CA8: variants seen among roughly 807,000 people sequenced by gnomAD.
CA8 encodes the protein carbonic anhydrase-related protein.
A neutral mutation model predicts 41.4 loss-of-function variants in CA8; 22 were observed. The ratio of observed to expected loss-of-function variants is 0.53; its 90% CI spans 0.38 to 0.76. The LOEUF is 0.76. CA8 is among the 30% of genes least tolerant of loss of function. The pLI is 0.00. For synonymous variants in CA8, 121 were observed against 130.6 expected (o/e 0.93, Z 0.50); for missense variants, 270 against 352.8 (o/e 0.77, Z 1.88).
rs1014882521 is a variant in CA8 at position 60,187,469 on chromosome 8, A to C, written c.*2552T>G. The C allele has an allele frequency of 5.9e-5, 9 of 152,110 alleles. No individual in the cohort carries two copies. Among genetic ancestry groups the C allele is most frequent in the African/African-American group, 2.2e-4 (9 of 41,446 alleles). The allele number at this position is 152,110 out of a possible 1,614,324, so 9.4% of individuals were successfully genotyped here. ...CAGAAGTTAGTCTGCTTTCTTACTAATCTTACTATTTTGTAAGATTTGAGC... is the reference window on the plus strand; with the variant it reads ...CAGAAGTTAGTCTGCTTTCTTACTACTCTTACTATTTTGTAAGATTTGAGC... On this transcript the variant is annotated 3_prime_UTR_variant, in exon 9 of 9. Coordinates refer to ENST00000317995, the MANE Select transcript of CA8 (RefSeq NM_004056.6).
chr8:60,248,081 T>C (rs1808312346), intron 3 of CA8, among the ~76,000 whole-genome samples: 2 of 151,564 alleles, frequency 1.3e-5, no homozygotes, highest in Non-Finnish European at 2.9e-5. Context: ...TCATATACTT[T>C]GCCCAGTTTT....
At chr8:60,265,893 A>G in intron 3 of CA8, 32 bp downstream of exon 3, 2 of 1,611,610 alleles carry the variant, frequency 1.2e-6, no homozygotes, top group Non-Finnish European at 1.7e-6. Context: ...TTCAGAAAAC[A>G]AGATTTTTAC....
chr8:60,203,407 T>C (rs1403087904), intron 8 of CA8, among the ~76,000 whole-genome samples: 1 of 152,218 alleles, frequency 6.6e-6, no homozygotes, highest in East Asian at 1.9e-4. Flanking sequence ...CTAGTAACAA[T>C]CCAGTTTTTA....
At chr8:60,201,616 T>C (rs568791178) in intron 8 of CA8, among the ~76,000 whole-genome samples, 4 of 152,304 alleles carry the variant, frequency 2.6e-5, no homozygotes, top group South Asian at 4.1e-4. Flanking sequence ...AAAATGAACA[T>C]TCCTTTTGTT....
chr8:60,277,675 A>G (rs572596886), intron 2 of CA8, among the ~76,000 whole-genome samples: 1 of 152,314 alleles, frequency 6.6e-6, no homozygotes, highest in Non-Finnish European at 1.5e-5. Flanking sequence ...TTTTGTATAT[A>G]TTCTATTTTG....
chr8:60,249,560 A>T (rs1808371657), intron 3 of CA8, among the ~76,000 whole-genome samples: 1 of 152,244 alleles, frequency 6.6e-6, no homozygotes, highest in South Asian at 2.1e-4. Flanking sequence ...TTCTGACAGA[A>T]AAGTAATATT....
At position 60,188,384 on chromosome 8, in the gene CA8, C is replaced by T. The variant is rs1026050138; in HGVS notation, c.*1637G>A. 3.9e-5 allele frequency: 6 copies of T among 152,190 alleles called. No homozygotes were observed. Among genetic ancestry groups the T allele is most frequent in the African/African-American group, 1.4e-4 (6 of 41,466 alleles). The allele number at this position is 152,190 out of a possible 1,614,324, so 9.4% of individuals were successfully genotyped here. ...CGGTCAGGAGTGGAGAGGCTGGTAC[C>T]TGTGCAGTGTTTTGTTCCAGGAATG... On this transcript the variant is annotated 3_prime_UTR_variant, in exon 9 of 9. Coordinates refer to ENST00000317995, the MANE Select transcript of CA8 (RefSeq NM_004056.6).
intron 2 of CA8, among the ~76,000 whole-genome samples, chr8:60,271,376 G>GA (rs1284489623): frequency 3.3e-5 from 5 of 151,874 alleles, no homozygotes; most frequent in Non-Finnish European, 5.9e-5. Context: ...AAGAAAGAAG[G>GA]AAAAAGAAGT....
intron 4 of CA8, 107 bp from the exon 5 acceptor site, chr8:60,227,042 A>T (rs1414117394): frequency 4.9e-6 from 4 of 811,450 alleles, no homozygotes; most frequent in Admixed American, 3.7e-5. Flanking sequence ...CTGTAACCCC[A>T]GCACTTTGGG....
At chr8:60,279,092 G>C (rs996320204) in intron 2 of CA8, among the ~76,000 whole-genome samples, 1 of 151,230 alleles carries the variant, frequency 6.6e-6, no homozygotes, top group Admixed American at 6.6e-5. Context: ...GCAAGTGGTA[G>C]GAGAAGTTTC....
At chr8:60,209,057 GA>G in intron 7 of CA8, 138 bp from the exon 8 acceptor site, 6 of 979,734 alleles carry the variant, frequency 6.1e-6, no homozygotes, top group Non-Finnish European at 9.0e-6. Context: ...GCTTCAAAAA[GA>G]AAAAAAACAG....
intron 3 of CA8, among the ~76,000 whole-genome samples, chr8:60,241,731 T>G (rs998699564): frequency 2.6e-5 from 4 of 151,726 alleles, no homozygotes; most frequent in African/African-American, 9.7e-5. Context: ...CCAGGAAATA[T>G]CCTACATTTT....
At chr8:60,206,493 T>C (rs971326541) in intron 8 of CA8, among the ~76,000 whole-genome samples, 1 of 152,164 alleles carries the variant, frequency 6.6e-6, no homozygotes, top group African/African-American at 2.4e-5. Context: ...CATTTACAGG[T>C]ATTGACATTC....
intron 3 of CA8, among the ~76,000 whole-genome samples, chr8:60,244,277 C>T (rs1023930920): frequency 3.3e-5 from 5 of 152,158 alleles, no homozygotes; most frequent in African/African-American, 9.7e-5. Context: ...GACTTATGCC[C>T]GTCTCTTAAC....
chr8:60,253,937 T>C (rs1480914720), intron 3 of CA8, among the ~76,000 whole-genome samples: 1 of 152,192 alleles, frequency 6.6e-6, no homozygotes, highest in Non-Finnish European at 1.5e-5. Context: ...CAGTAGCTTT[T>C]GAATAGGCCT....
intron 3 of CA8, among the ~76,000 whole-genome samples, chr8:60,243,003 G>A (rs1295301254): frequency 1.3e-5 from 2 of 152,172 alleles, no homozygotes; most frequent in African/African-American, 4.8e-5. Context: ...CACCGCCATA[G>A]AGCCCCAATG....
intron 8 of CA8, among the ~76,000 whole-genome samples, chr8:60,201,252 C>T (rs1806419310): frequency 6.6e-6 from 1 of 152,120 alleles, no homozygotes; most frequent in African/African-American, 2.4e-5. Flanking sequence ...GACAGCTGGG[C>T]ATTCAATTCT....
chr8:60,226,095 T>A (rs547312291), intron 5 of CA8, among the ~76,000 whole-genome samples: 3 of 152,360 alleles, frequency 2.0e-5, no homozygotes, highest in African/African-American at 4.8e-5. Context: ...TTTCTTTTTT[T>A]AAATTTATTT....
At chr8:60,273,084 T>C (rs1162716385) in intron 2 of CA8, among the ~76,000 whole-genome samples, 1 of 152,200 alleles carries the variant, frequency 6.6e-6, no homozygotes, top group Non-Finnish European at 1.5e-5. Context: ...TATATCTGCC[T>C]GGGTCTAAAA....
Sources: gnomAD v4.1 joint callset for allele counts (sites outside exome capture counted in the v4.1 genomes callset) on GRCh38, gnomAD v4.1.1 for gene constraint, MANE v1.5 for transcripts, NCBI Gene and HGNC (gene_info 2026-07-23, HGNC 2026-07-21) for gene names.